The following PDZRN4 variants were observed in gnomAD, a reference collection of about 807,000 sequenced individuals.
PDZRN4 encodes PDZ domain containing ring finger 4.
In PDZRN4, 70 loss-of-function variants were observed where a neutral mutation model predicts 99.0. The ratio of observed to expected loss-of-function variants is 0.71; its 90% CI spans 0.58 to 0.86. The LOEUF (loss-of-function observed/expected upper bound fraction) is 0.86. PDZRN4 is among the 40% of genes least tolerant of loss of function. The pLI, the probability that PDZRN4 is intolerant of heterozygous loss-of-function variation, is 0.00. For missense variants in PDZRN4, 1,474 were observed against 1,331.2 expected, an observed-to-expected ratio of 1.11 and a Z score of -1.67; for synonymous variants, 551 against 501.6, an observed-to-expected ratio of 1.10 and a Z score of -1.32.
chr12:41,512,239 T>C (rs1169776053), intron 5 of PDZRN4, among the ~76,000 whole-genome samples: 1 of 152,076 alleles, frequency 6.6e-6, no homozygotes, highest in Non-Finnish European at 1.5e-5. Context: ...ATGCATGGGA[T>C]TAGGAAGCTC....
chr12:41,285,738 A>G (rs559203713), intron 3 of PDZRN4, among the ~76,000 whole-genome samples: 51 of 152,248 alleles, frequency 3.3e-4, no homozygotes, highest in Non-Finnish European at 5.9e-4. Context: ...ATTCTCAGCA[A>G]ACTAACACAA....
intron 3 of PDZRN4, among the ~76,000 whole-genome samples, chr12:41,239,462 TTAAAA>T: frequency 6.6e-6 from 1 of 152,294 alleles, no homozygotes; most frequent in African/African-American, 2.4e-5. Flanking sequence ...ATCCCTGAAC[TTAAAA>T]TAAAAGTTGA....
intron 3 of PDZRN4, among the ~76,000 whole-genome samples, chr12:41,263,159 A>C (rs1178408861): frequency 6.6e-6 from 1 of 152,240 alleles, no homozygotes; most frequent in Admixed American, 6.5e-5. Flanking sequence ...TCAATGAGAC[A>C]TATAAAATGA....
chr12:41,390,544 G>A (rs1364901156), intron 3 of PDZRN4, among the ~76,000 whole-genome samples: 1 of 113,442 alleles, frequency 8.8e-6, no homozygotes, highest in East Asian at 2.6e-4. Flanking sequence ...GGTAGTCTGG[G>A]GTTTGAGAAC....
intron 3 of PDZRN4, among the ~76,000 whole-genome samples, chr12:41,344,753 A>G (rs1203578437): frequency 6.7e-6 from 1 of 148,448 alleles, no homozygotes; most frequent in Non-Finnish European, 1.5e-5. Context: ...TATATCATAT[A>G]TATGATATAT....
At chr12:41,533,180 C>CTTTTCT (rs1555150506) in intron 5 of PDZRN4, among the ~76,000 whole-genome samples, 1 of 144,830 alleles carries the variant, frequency 6.9e-6, no homozygotes, top group African/African-American at 2.5e-5. Flanking sequence ...TTTTTCTTTT[C>CTTTTCT]TTTTTTTTTT....
chr12:41,500,435 TC>T, intron 3 of PDZRN4, among the ~76,000 whole-genome samples: 1 of 152,166 alleles, frequency 6.6e-6, no homozygotes, highest in Admixed American at 6.6e-5. Flanking sequence ...CTTCCAAAAA[TC>T]CAATTATAGC....
intron 5 of PDZRN4, among the ~76,000 whole-genome samples, chr12:41,525,636 T>C (rs1565606076): frequency 6.6e-6 from 1 of 152,164 alleles, no homozygotes; most frequent in Non-Finnish European, 1.5e-5. Flanking sequence ...TATATATCTC[T>C]ATTCCATCAT....
At chr12:41,390,784 G>A (rs1952205357) in intron 3 of PDZRN4, among the ~76,000 whole-genome samples, 1 of 151,996 alleles carries the variant, frequency 6.6e-6, no homozygotes, top group Admixed American at 6.6e-5. Context: ...TCAAAAGCAA[G>A]TAAAACCAAA....
intron 3 of PDZRN4, among the ~76,000 whole-genome samples, chr12:41,459,066 A>C (rs1308138882): frequency 6.6e-6 from 1 of 151,794 alleles, no homozygotes; most frequent in Non-Finnish European, 1.5e-5. Flanking sequence ...GGATTTGTAG[A>C]CTAGTAGAAG....
chr12:41,396,134 G>A (rs1952244255), intron 3 of PDZRN4, among the ~76,000 whole-genome samples: 1 of 152,026 alleles, frequency 6.6e-6, no homozygotes, highest in African/African-American at 2.4e-5. Flanking sequence ...ACCTTAATTA[G>A]GTCATCACAT....
At chr12:41,214,925 G>C (rs924497328) in intron 3 of PDZRN4, among the ~76,000 whole-genome samples, 5 of 152,040 alleles carry the variant, frequency 3.3e-5, no homozygotes, top group African/African-American at 1.2e-4. Context: ...TCAAAGAAGT[G>C]TTTTATAGCT....
At chr12:41,430,760 T>A (rs1225480247) in intron 3 of PDZRN4, among the ~76,000 whole-genome samples, 1 of 152,210 alleles carries the variant, frequency 6.6e-6, no homozygotes, top group Non-Finnish European at 1.5e-5. Context: ...CATGTATTAG[T>A]CTGTTCTCAT....
At chr12:41,337,959 A>G (rs1170188276) in intron 3 of PDZRN4, among the ~76,000 whole-genome samples, 1 of 152,016 alleles carries the variant, frequency 6.6e-6, no homozygotes, top group African/African-American at 2.4e-5. Flanking sequence ...GAGTCTTACT[A>G]TGTTGTCTAG....
At chr12:41,545,883 C>A (rs560104975) in intron 5 of PDZRN4, among the ~76,000 whole-genome samples, 72 of 151,940 alleles carry the variant, frequency 4.7e-4, no homozygotes, top group Middle Eastern at 6.8e-3. Context: ...GAACTGCAGA[C>A]AGAAGAGGTA....
chr12:41,377,156 A>T (rs1240966339), intron 3 of PDZRN4, among the ~76,000 whole-genome samples: 1 of 152,146 alleles, frequency 6.6e-6, no homozygotes, highest in African/African-American at 2.4e-5. Context: ...TGAAATCAGG[A>T]AGTGTGATGT....
intron 3 of PDZRN4, among the ~76,000 whole-genome samples, chr12:41,491,996 G>T (rs1354663133): frequency 6.6e-6 from 1 of 151,992 alleles, no homozygotes; most frequent in Non-Finnish European, 1.5e-5. Context: ...TTCATATGAA[G>T]ACCACATAAC....
intron 2 of PDZRN4, among the ~76,000 whole-genome samples, chr12:41,193,761 G>A (rs1033386817): frequency 5.9e-5 from 9 of 152,240 alleles, no homozygotes; most frequent in African/African-American, 1.9e-4. Flanking sequence ...TCTCTCTTTA[G>A]AAGTGAGATG....
At chr12:41,430,623 G>T (rs1952579700) in intron 3 of PDZRN4, among the ~76,000 whole-genome samples, 1 of 152,056 alleles carries the variant, frequency 6.6e-6, no homozygotes, top group African/African-American at 2.4e-5. Flanking sequence ...GTTATATAAA[G>T]AACTAGGAAA....
Sources: allele counts gnomAD v4.1 joint callset (sites outside exome capture counted in the v4.1 genomes callset), GRCh38; gene constraint gnomAD v4.1.1; transcripts MANE v1.5; gene names NCBI Gene and HGNC (gene_info 2026-07-23, HGNC 2026-07-21).